ANKRD27: variants seen among roughly 807,000 people sequenced by gnomAD.
ANKRD27 encodes the protein ankyrin repeat domain 27.
A neutral mutation model predicts 129.7 loss-of-function variants in ANKRD27; 112 were observed. The ratio of observed to expected loss-of-function variants is 0.86; its 90% CI spans 0.74 to 1.01. The LOEUF is 1.01. Among genes scored for constraint, ANKRD27 ranks in the 50% least tolerant of loss-of-function variants. The pLI, the probability that ANKRD27 is intolerant of heterozygous loss-of-function variation, is 0.00. For missense variants in ANKRD27, 1,258 were observed against 1,300.5 expected (o/e 0.97, Z 0.50); for synonymous variants, 516 against 511.2 (o/e 1.01, Z -0.13).
At chr19:32,609,470 C>G (rs1971801615) in intron 22 of ANKRD27, among the ~76,000 whole-genome samples, 1 of 152,150 alleles carries the variant, frequency 6.6e-6, no homozygotes, top group Admixed American at 6.6e-5. Flanking sequence ...GTGTGTCCAC[C>G]CAATCAACTA....
chr19:32,646,416 A>G (rs77081774), intron 4 of ANKRD27, 43 bp downstream of exon 4: 115,085 of 1,572,850 alleles, frequency 0.073, 6,173 homozygotes, highest in African/African-American at 0.25. Flanking sequence ...CAACAAACAC[A>G]TTTTTCTAAA....
chr19:32,599,211 G>A (rs1971613808), intron 28 of ANKRD27, among the ~76,000 whole-genome samples: 1 of 152,184 alleles, frequency 6.6e-6, no homozygotes, highest in Non-Finnish European at 1.5e-5. Context: ...AACCCGGGAG[G>A]TGGAGACTGC....
Position 32,644,499 on chromosome 19 carries a change from G to A in ANKRD27, c.371-20C>T, listed in dbSNP as rs985736504. 1.2e-6 allele frequency: 2 copies of A among 1,609,392 alleles called. No individual in the cohort carries two copies. Among genetic ancestry groups the A allele is most frequent in the African/African-American group, 1.3e-5 (1 of 75,002 alleles). ...GCTCTTCTGAAAAAGAAACAAACAGGTCAGGCCGGCTGAAGCCTCTGCTGG... is the reference window on the plus strand; with the variant it reads ...GCTCTTCTGAAAAAGAAACAAACAGATCAGGCCGGCTGAAGCCTCTGCTGG... On this transcript the variant is annotated intron_variant, in intron 4 of 28. Transcript: ENST00000306065.
chr19:32,622,220 C>G (rs1319365262), intron 18 of ANKRD27, among the ~76,000 whole-genome samples: 1 of 152,184 alleles, frequency 6.6e-6, no homozygotes, highest in African/African-American at 2.4e-5. Context: ...TGGAACAACC[C>G]TGAGAAAAAC....
intron 1 of ANKRD27, among the ~76,000 whole-genome samples, chr19:32,662,355 G>A (rs259260): frequency 0.51 from 70,562 of 139,180 alleles, 20,151 homozygotes; most frequent in Non-Finnish European, 0.66. Flanking sequence ...ACTCATTTCC[G>A]CAGCCCCTGA....
chr19:32,643,576 TGA>T lies in ANKRD27; in HGVS notation c.579_580del (p.His194ProfsTer25), dbSNP rs781460071. On this transcript the variant is annotated frameshift_variant, in exon 6 of 29. Transcript: ENST00000306065. LOFTEE classifies it high-confidence loss of function. ...CTCAGAAGTCCTGCTGCTTACCAGG[TGA>T]GAGTCCCTCAGAAGCTGCTGGAGGC... The T allele has an allele frequency of 6.2e-7, 1 of 1,613,848 alleles. No individual in the cohort carries two copies. Among genetic ancestry groups the T allele is most frequent in the South Asian group, 1.1e-5 (1 of 91,058 alleles).
At chr19:32,614,659 G>A (rs1204297030) in intron 22 of ANKRD27, among the ~76,000 whole-genome samples, 2 of 151,866 alleles carry the variant, frequency 1.3e-5, no homozygotes, top group African/African-American at 4.8e-5. Context: ...AGCCAAGATC[G>A]CCCGACAGAG....
chr19:32,615,381 C>T (rs1007325855), intron 22 of ANKRD27, among the ~76,000 whole-genome samples: 10 of 152,088 alleles, frequency 6.6e-5, no homozygotes, highest in African/African-American at 2.4e-4. Flanking sequence ...GCCTGGGAGG[C>T]CGAGACCAGT....
intron 24 of ANKRD27, among the ~76,000 whole-genome samples, chr19:32,604,984 A>G (rs929176139): frequency 4.6e-5 from 7 of 152,112 alleles, no homozygotes; most frequent in Non-Finnish European, 1.0e-4. Context: ...AGGCAGGAGA[A>G]TCGCTTGAAC....
intron 22 of ANKRD27, among the ~76,000 whole-genome samples, chr19:32,610,421 G>A (rs1971817243): frequency 6.6e-6 from 1 of 151,318 alleles, no homozygotes; most frequent in Admixed American, 6.6e-5. Flanking sequence ...AGAGTTTGAG[G>A]CTTCAGTGAG....
chr19:32,659,133 CTTTTTCTTTTTTT>C lies in ANKRD27; in HGVS notation c.-30-101_-30-89del. The C allele has an allele frequency of 9.1e-6, 3 of 330,984 alleles. No individual in the cohort carries two copies. In the South Asian group the frequency reaches 1.2e-4, roughly 13 times the overall value. 20.5% of individuals were successfully genotyped at this position (330,984 alleles called of 1,614,324 possible). On this transcript the variant is annotated intron_variant, in intron 1 of 28. Transcript: ENST00000306065. Reference sequence around the variant, plus strand: ...CTGCATCTGATGCATCTGGCATTTTCTTTTTCTTTTTTTTTTTTTTTTTGAGACAGAGTCTCAC... The same window carrying C: ...CTGCATCTGATGCATCTGGCATTTTCTTTTTTTTTTGAGACAGAGTCTCAC...
In ANKRD27 at chr19:32,622,511, C is replaced by A. The variant is rs745675301; in HGVS notation, c.1738G>T (p.Val580Phe). The A allele has an allele frequency of 2.5e-6, 4 of 1,614,112 alleles. No individual in the cohort carries two copies. The highest frequency in any genetic ancestry group is 2.5e-6 in the Non-Finnish European group (3 of 1,180,048). ...HIAARWGYQG[V>F]IETLLQNGAS... is the part of the protein sequence containing the mutation. ...CCGTTCTGCAGCAATGTCTCTATGA[C>A]GCCTTGGTAGCCCCAGCGGGCAGCA... Residue 580 changes from valine (V) to phenylalanine (F), a missense_variant, in exon 18 of 29, where the codon GTC (valine) becomes TTC (phenylalanine). Physicochemically the swap from Val to Phe is conservative, Grantham distance 50. Coordinates refer to ENST00000306065, the MANE Select transcript of ANKRD27 (RefSeq NM_032139.3).
At chr19:32,631,319 A>G in intron 13 of ANKRD27, 83 bp downstream of exon 13, 2 of 1,323,140 alleles carry the variant, frequency 1.5e-6, no homozygotes, top group Non-Finnish European at 2.2e-6. Context: ...ATGCCTGGCC[A>G]ACCCTGATGG....
chr19:32,634,250 G>C (rs1187751785), intron 12 of ANKRD27, among the ~76,000 whole-genome samples: 1 of 152,126 alleles, frequency 6.6e-6, no homozygotes, highest in Admixed American at 6.6e-5. Flanking sequence ...ATTCCTAAAG[G>C]GAACTTCATT....
rs886223807 is a variant in ANKRD27, at chr19:32,597,917, T to C, written c.*228A>G. The C allele has an allele frequency of 1.7e-5, 10 of 571,498 alleles. No homozygotes were observed. Among genetic ancestry groups the C allele is most frequent in the East Asian group, 2.9e-5 (1 of 34,304 alleles). The allele number at this position is 571,498 out of a possible 1,614,324, so 35.4% of individuals were successfully genotyped here. A position where few individuals can be genotyped will look rare whatever the true frequency, so the allele number is the denominator to read the frequency against. ...AAGGATCTGGATGCTACTGGAATTT[T>C]TGTCTGTTTCAATTGTATTCATTAG... is the stretch of plus-strand genomic sequence containing the variant. On this transcript the variant is annotated 3_prime_UTR_variant, in exon 29 of 29. Transcript: ENST00000306065.
At chr19:32,615,897 C>T in intron 21 of ANKRD27, 117 bp from the exon 22 acceptor site, 1 of 1,414,072 alleles carries the variant, frequency 7.1e-7, no homozygotes, top group South Asian at 1.4e-5. Flanking sequence ...TTCTCCAACC[C>T]CACAGCCATT....
At chr19:32,657,567 G>A (rs1351516280) in intron 2 of ANKRD27, among the ~76,000 whole-genome samples, 1 of 151,672 alleles carries the variant, frequency 6.6e-6, no homozygotes, top group African/African-American at 2.4e-5. Flanking sequence ...AGGTTGCAGA[G>A]AGTCGAGATT....
intron 1 of ANKRD27, among the ~76,000 whole-genome samples, chr19:32,668,710 A>G (rs1371001219): frequency 1.3e-5 from 2 of 151,682 alleles, no homozygotes; most frequent in Non-Finnish European, 2.9e-5. Flanking sequence ...CTCGGACTCC[A>G]GGGTGCTGAG....
chr19:32,651,447 G>C (rs77318782), intron 2 of ANKRD27, among the ~76,000 whole-genome samples: 14 of 152,054 alleles, frequency 9.2e-5, no homozygotes, highest in Non-Finnish European at 1.6e-4. Flanking sequence ...TCGGCTCACT[G>C]CAAGTTCCGC....
Sources: allele counts gnomAD v4.1 joint callset (sites outside exome capture counted in the v4.1 genomes callset), GRCh38; gene constraint gnomAD v4.1.1; transcripts MANE v1.5; gene names NCBI Gene and HGNC (gene_info 2026-07-23, HGNC 2026-07-21).